APBA2: variants seen among roughly 807,000 people sequenced by gnomAD.
APBA2 encodes amyloid-beta A4 precursor protein-binding family A member 2.
A neutral mutation model predicts 75.0 loss-of-function variants in APBA2; 30 were observed. The observed-to-expected ratio is 0.40, with a 90% CI of 0.30 to 0.54. The LOEUF (loss-of-function observed/expected upper bound fraction) is 0.54, where lower values mean the gene tolerates loss of function less well. APBA2 is among the 20% of genes least tolerant of loss of function. APBA2 has a pLI of 0.49. For synonymous variants in APBA2, 444 were observed against 409.6 expected (o/e 1.08, Z -1.01); for missense variants, 801 against 1,016.1 (o/e 0.79, Z 2.88).
intron 2 of APBA2, among the ~76,000 whole-genome samples, chr15:28,925,214 CCT>C: frequency 6.6e-6 from 1 of 152,016 alleles, no homozygotes; most frequent in Non-Finnish European, 1.5e-5. Context: ...AACATTGCAG[CCT>C]TGGAAAAAAT....
At chr15:28,886,349 G>C (rs1220733796) in intron 1 of APBA2, 71 bp downstream of exon 1, 1 of 151,492 alleles carries the variant, frequency 6.6e-6, no homozygotes, top group Non-Finnish European at 1.5e-5. Context: ...GCGCCGCGAG[G>C]ACCCGGACGC....
chr15:29,070,909 T>G, intron 4 of APBA2: 1 of 332,948 alleles, frequency 3.0e-6, no homozygotes, highest in South Asian at 2.3e-5. Context: ...TCTAACGGAG[T>G]CATTCGTCCG....
At chr15:28,930,785 C>T (rs1008753991) in intron 2 of APBA2, among the ~76,000 whole-genome samples, 10 of 152,176 alleles carry the variant, frequency 6.6e-5, no homozygotes, top group African/African-American at 1.4e-4. Context: ...CTCTTCCCTG[C>T]GACCTGTGGG....
intron 7 of APBA2, 92 bp downstream of exon 7, chr15:29,093,312 G>A: frequency 6.5e-7 from 1 of 1,529,176 alleles, no homozygotes; most frequent in Admixed American, 1.9e-5. Context: ...CCCTCTTCCA[G>A]CTCGGACTGC....
At chr15:28,996,217 T>C (rs10519643) in intron 3 of APBA2, among the ~76,000 whole-genome samples, 23,445 of 152,106 alleles carry the variant, frequency 0.15, 2,980 homozygotes, top group African/African-American at 0.34. Context: ...ATATCGGCAA[T>C]AATAGGTAGC....
At chr15:29,035,123 T>G (rs560795372) in intron 3 of APBA2, among the ~76,000 whole-genome samples, 12 of 152,260 alleles carry the variant, frequency 7.9e-5, no homozygotes, top group African/African-American at 2.6e-4. Context: ...GATGGGCAAG[T>G]GCAGGCTGTT....
chr15:29,107,135 CT>C (rs1173326124), intron 12 of APBA2, among the ~76,000 whole-genome samples: 2 of 152,168 alleles, frequency 1.3e-5, no homozygotes, highest in African/African-American at 4.8e-5. Context: ...GCTTATCCTG[CT>C]TTGCCTGGGA....
intron 1 of APBA2, among the ~76,000 whole-genome samples, chr15:28,905,972 G>A (rs1030566120): frequency 1.3e-5 from 2 of 152,054 alleles, no homozygotes; most frequent in East Asian, 1.9e-4. Flanking sequence ...CCCATTCAGT[G>A]CCCACAAGGA....
intron 2 of APBA2, among the ~76,000 whole-genome samples, chr15:28,946,655 T>A (rs2035567326): frequency 6.6e-6 from 1 of 152,224 alleles, no homozygotes; most frequent in South Asian, 2.1e-4. Context: ...CTCAGCTCAC[T>A]GCAACCTCCA....
intron 3 of APBA2, among the ~76,000 whole-genome samples, chr15:29,015,421 T>C (rs2039609705): frequency 6.6e-6 from 1 of 152,186 alleles, no homozygotes; most frequent in Admixed American, 6.5e-5. Flanking sequence ...TCTCAGTTGG[T>C]AAATCCCATC....
At chr15:29,092,371 T>A (rs2152951058) in intron 6 of APBA2, among the ~76,000 whole-genome samples, 1 of 152,304 alleles carries the variant, frequency 6.6e-6, no homozygotes, top group African/African-American at 2.4e-5. Flanking sequence ...TCTTTATATT[T>A]CAATTAATTA....
chr15:29,053,724 C>A, intron 3 of APBA2, 121 bp from the exon 4 acceptor site: 1 of 641,246 alleles, frequency 1.6e-6, no homozygotes, highest in Non-Finnish European at 2.7e-6. Context: ...ACTGTTTGAA[C>A]AGATGTGCCC....
At chr15:28,947,194 G>A (rs553097226) in intron 2 of APBA2, among the ~76,000 whole-genome samples, 1 of 152,212 alleles carries the variant, frequency 6.6e-6, no homozygotes, top group African/African-American at 2.4e-5. Flanking sequence ...CTTCTGGAAT[G>A]ATAAACGCTG....
At position 29,054,023 on chromosome 15, in the gene APBA2, G is replaced by A. The variant is rs1362949812; in HGVS notation, c.139G>A (p.Glu47Lys). 12 of 1,613,774 alleles carry A rather than the reference G, an allele frequency of 7.4e-6. No individual in the cohort carries two copies. The highest frequency in any genetic ancestry group is 1.1e-5 in the South Asian group (1 of 91,074). ...PLEGYVPEGL[E>K]LAALRPESPA... ...GGAGGGCTATGTGCCCGAGGGCCTG[G>A]AGCTGGCTGCCCTGCGGCCAGAGAG... The change falls in exon 4 of 15, where the codon GAG becomes AAG. Residue 47 changes from glutamate (E) to lysine (K), a missense_variant. Transcript: ENST00000683413. The surrounding 1 kb of genome is among the most constrained non-coding windows in gnomAD (Gnocchi z 6.1).
chr15:28,922,688 A>G (rs2034038511), intron 2 of APBA2, among the ~76,000 whole-genome samples: 2 of 151,838 alleles, frequency 1.3e-5, no homozygotes, highest in Admixed American at 1.3e-4. Context: ...TCGATCTGTA[A>G]CCCAGACCCT....
intron 4 of APBA2, among the ~76,000 whole-genome samples, chr15:29,060,790 T>A (rs2152901239): frequency 6.6e-6 from 1 of 152,352 alleles, no homozygotes; most frequent in South Asian, 2.1e-4. Context: ...CGTATTGATT[T>A]TTTTTTTCAT....
intron 3 of APBA2, among the ~76,000 whole-genome samples, chr15:29,004,199 C>T (rs962164015): frequency 1.3e-5 from 2 of 152,182 alleles, no homozygotes; most frequent in Non-Finnish European, 2.9e-5. Context: ...AAGCCAAGTT[C>T]TAGATAGAAT....
intron 2 of APBA2, among the ~76,000 whole-genome samples, chr15:28,986,832 G>A (rs1354505066): frequency 2.0e-5 from 3 of 152,172 alleles, no homozygotes; most frequent in Non-Finnish European, 2.9e-5. Flanking sequence ...TTAGGTTACT[G>A]TAACAAAATA....
At chr15:29,099,737 A>G (rs1259657759) in intron 9 of APBA2, among the ~76,000 whole-genome samples, 2 of 152,266 alleles carry the variant, frequency 1.3e-5, no homozygotes, top group Non-Finnish European at 2.9e-5. Context: ...TCTTCTTGCC[A>G]GTGTACATGG....
Sources: gnomAD v4.1 joint callset for allele counts (sites outside exome capture counted in the v4.1 genomes callset) on GRCh38, gnomAD v4.1.1 for gene constraint, Gnocchi (gnomAD v3.1) non-coding constraint, MANE v1.5 for transcripts, NCBI Gene and HGNC (gene_info 2026-07-23, HGNC 2026-07-21) for gene names.